Variants in LCN6 observed in about 807,000 individuals in gnomAD.
LCN6 encodes the protein lipocalin 6.
In LCN6, 20 loss-of-function variants were observed where a neutral mutation model predicts 21.4. The ratio of observed to expected loss-of-function variants is 0.93; its 90% CI spans 0.66 to 1.36. LCN6 has a LOEUF of 1.36. Among genes scored for constraint, LCN6 ranks in the 40% most tolerant of loss-of-function variants. LCN6 has a pLI of 0.00. For synonymous variants in LCN6, 96 were observed against 89.0 expected (o/e 1.08, Z -0.44); for missense variants, 217 against 206.6 (o/e 1.05, Z -0.31).
rs569165235 is a variant in LCN6 at position 136,747,334 on chromosome 9, G to A, written c.230+90C>T. The A allele has an allele frequency of 1.2e-4, 174 of 1,466,946 alleles. No individual in the cohort carries two copies. In the African/African-American group the frequency reaches 2.0e-3, roughly 17 times the overall value. The allele number at this position is 1,466,946 out of a possible 1,614,324, so 90.9% of individuals were successfully genotyped here. A position where few individuals can be genotyped will look rare whatever the true frequency, so the allele number is the denominator to read the frequency against. On this transcript the variant is annotated intron_variant, in intron 2 of 6. Coordinates refer to ENST00000341206, the MANE Select transcript of LCN6 (RefSeq NM_198946.3). ...AGGGGCCGTGGGAAGCCCCCAGGCC[G>A]CGGTGCCCGGGAGCAGATGTGCAAA... is the stretch of plus-strand genomic sequence containing the variant.
chr9:136,744,808 T>G lies in LCN6; in HGVS notation c.413-67A>C, dbSNP rs1404875802. On this transcript the variant is annotated intron_variant, in intron 4 of 6. Transcript: ENST00000341206. The surrounding 1 kb of genome is among the most constrained non-coding windows in gnomAD (Gnocchi z 4.2). ...AGCTGGGGAGGGGCCGGGGAGGGGC[T>G]GGGAAGGGTCAGGAAGGAGGCCACC... is the stretch of plus-strand genomic sequence containing the variant. 2.6e-6 allele frequency: 3 copies of G among 1,152,754 alleles called. No individual in the cohort carries two copies. In the East Asian group the frequency reaches 7.5e-5, roughly 29 times the overall value. The allele number at this position is 1,152,754 out of a possible 1,614,324, so 71.4% of individuals were successfully genotyped here.
At chr9:136,746,965 G>A (rs1847047113) in intron 2 of LCN6, 1 of 153,938 alleles carries the variant, frequency 6.5e-6, no homozygotes, top group Admixed American at 6.5e-5. Flanking sequence ...GCGCCTGCCT[G>A]AGGCCACAAG....
chr9:136,745,945 G>A, intron 2 of LCN6, 31 bp from the exon 3 acceptor site: 1 of 1,605,718 alleles, frequency 6.2e-7, no homozygotes, highest in Non-Finnish European at 8.5e-7. Flanking sequence ...CACCCACTCA[G>A]GGTCAAGACC....
In LCN6 at chr9:136,748,441, C is replaced by T; in HGVS notation, c.43G>A (p.Val15Met). ...LLAAFLALVSVPRAQAVWLGR... is the reference protein window; with the variant it reads ...LLAAFLALVSMPRAQAVWLGR... ...AACCACACGGCCTGGGCCCTGGGCA[C>T]CGAGACCAAAGCCAGAAAAGCAGCC... is the stretch of plus-strand genomic sequence containing the variant. Residue 15 changes from valine (V) to methionine (M), a missense_variant, in exon 1 of 7, where the codon GTG (valine) becomes ATG (methionine). Physicochemically the swap from Val to Met is conservative, Grantham distance 21 (BLOSUM62 1). Transcript: ENST00000341206. The T allele has an allele frequency of 6.2e-7, 1 of 1,613,248 alleles. No individual in the cohort carries two copies. Among genetic ancestry groups the T allele is most frequent in the Non-Finnish European group, 8.5e-7 (1 of 1,179,952 alleles).
chr9:136,744,536 G>A lies in LCN6; in HGVS notation c.*22+104C>T, dbSNP rs1445055197. ...GACTCCTTCAGGGCGACTGAGTCAG[G>A]CAGAAGCCAGAATCAACCCCAGGGT... On this transcript the variant is annotated intron_variant, in intron 5 of 6. Coordinates refer to ENST00000341206, the MANE Select transcript of LCN6 (RefSeq NM_198946.3). This position sits in a 1 kb window ranked among gnomAD's most constrained non-coding sequence, Gnocchi z 4.2. The A allele has an allele frequency of 1.8e-5, 13 of 717,368 alleles. No individual in the cohort carries two copies. The Admixed American group carries it at 1.9e-4, about 10-fold the overall frequency. 44.4% of individuals were successfully genotyped at this position (717,368 alleles called of 1,614,324 possible).
At chr9:136,747,313 G>T in intron 2 of LCN6, 111 bp downstream of exon 2, 2 of 1,243,528 alleles carry the variant, frequency 1.6e-6, no homozygotes, top group Non-Finnish European at 2.2e-6. Flanking sequence ...GTGCAGAGGG[G>T]CCGTGGGAAG....
chr9:136,744,551 A>G lies in LCN6; in HGVS notation c.*22+89T>C. ...ACTGAGTCAGGCAGAAGCCAGAATC[A>G]ACCCCAGGGTCTCTGTCACCCCATC... On this transcript the variant is annotated intron_variant, in intron 5 of 6. Transcript: ENST00000341206. This position sits in a 1 kb window ranked among gnomAD's most constrained non-coding sequence, Gnocchi z 4.2. 1 of 803,886 alleles carries G rather than the reference A, an allele frequency of 1.2e-6. No individual in the cohort carries two copies. Among genetic ancestry groups the G allele is most frequent in the South Asian group, 1.7e-5 (1 of 58,362 alleles). 49.8% of individuals were successfully genotyped at this position (803,886 alleles called of 1,614,324 possible). A position where few individuals can be genotyped will look rare whatever the true frequency, so the allele number is the denominator to read the frequency against.
In LCN6 at chr9:136,744,590, T is replaced by G; in HGVS notation, c.*22+50A>C. On this transcript the variant is annotated intron_variant, in intron 5 of 6. Coordinates refer to ENST00000341206, the MANE Select transcript of LCN6 (RefSeq NM_198946.3). The surrounding 1 kb of genome is among the most constrained non-coding windows in gnomAD (Gnocchi z 4.2). ...TGTCACCCCATCACGCCCTGTGGGC[T>G]CCAGAACTTGCCCCAAGCCTCCCCC... 8.2e-7 allele frequency: 1 copy of G among 1,215,876 alleles called. No homozygotes were observed. Among genetic ancestry groups the G allele is most frequent in the Non-Finnish European group, 1.2e-6 (1 of 839,078 alleles). The allele number at this position is 1,215,876 out of a possible 1,614,324, so 75.3% of individuals were successfully genotyped here. A position where few individuals can be genotyped will look rare whatever the true frequency, so the allele number is the denominator to read the frequency against.
chr9:136,745,501 C>G, intron 3 of LCN6: 2 of 587,536 alleles, frequency 3.4e-6, no homozygotes, highest in Non-Finnish European at 6.1e-6. Context: ...GACGGACAGA[C>G]AGACAAGCAC....
intron 1 of LCN6, among the ~76,000 whole-genome samples, chr9:136,747,800 C>T (rs937630540): frequency 3.5e-5 from 5 of 141,112 alleles, no homozygotes; most frequent in Admixed American, 2.1e-4. Context: ...CCAACCCTCC[C>T]GCCCTCCAGC....
intron 2 of LCN6, among the ~76,000 whole-genome samples, chr9:136,746,411 C>T (rs1286985448): frequency 7.4e-5 from 11 of 148,764 alleles, no homozygotes; most frequent in Non-Finnish European, 1.3e-4. Context: ...GGTTTGCCTG[C>T]GACTCGGGGG....
chr9:136,744,272 G>A lies in LCN6; in HGVS notation c.*48+67C>T, dbSNP rs1005496093. 20 of 191,806 alleles carry A rather than the reference G, an allele frequency of 1.0e-4. No individual in the cohort carries two copies. The highest frequency in any genetic ancestry group is 7.4e-4 in the Admixed American group (14 of 18,976). 11.9% of individuals were successfully genotyped at this position (191,806 alleles called of 1,614,324 possible). On this transcript the variant is annotated intron_variant, in intron 6 of 6. Transcript: ENST00000341206. This position sits in a 1 kb window ranked among gnomAD's most constrained non-coding sequence, Gnocchi z 4.2. ...CAGAGGGTCCTCCCACCCACTGTGC[G>A]TAGGGTGGCCTCCCCCACCCCCTTC... is the stretch of plus-strand genomic sequence containing the variant.
Position 136,748,523 on chromosome 9 carries a change from A to C in LCN6, c.-40T>G, listed in dbSNP as rs759068350. ...ACTGCGCCGCAGGCCCAGGATGTGC[A>C]GTCCCTCCAGGCCCTGGAGACCCGT... On this transcript the variant is annotated 5_prime_UTR_variant, in exon 1 of 7. Coordinates refer to ENST00000341206, the MANE Select transcript of LCN6 (RefSeq NM_198946.3). The C allele has an allele frequency of 1.9e-6, 3 of 1,588,006 alleles. No homozygotes were observed. The highest frequency in any genetic ancestry group is 2.6e-6 in the Non-Finnish European group (3 of 1,162,566).
chr9:136,744,592 C>T lies in LCN6; in HGVS notation c.*22+48G>A. 1.6e-6 allele frequency: 2 copies of T among 1,255,382 alleles called. No individual in the cohort carries two copies. The highest frequency in any genetic ancestry group is 1.1e-6 in the Non-Finnish European group (1 of 874,526). The allele number at this position is 1,255,382 out of a possible 1,614,324, so 77.8% of individuals were successfully genotyped here. ...TCACCCCATCACGCCCTGTGGGCTC[C>T]AGAACTTGCCCCAAGCCTCCCCCGA... On this transcript the variant is annotated intron_variant, in intron 5 of 6. Coordinates refer to ENST00000341206, the MANE Select transcript of LCN6 (RefSeq NM_198946.3). This position sits in a 1 kb window ranked among gnomAD's most constrained non-coding sequence, Gnocchi z 4.2.
At chr9:136,745,776 G>T (rs1359697346) in intron 3 of LCN6, 68 bp downstream of exon 3, 15 of 1,426,484 alleles carry the variant, frequency 1.1e-5, no homozygotes, top group Non-Finnish European at 1.4e-5. Flanking sequence ...CTCCGTCCCT[G>T]CCCGCAGGGG....
chr9:136,744,697 T>A lies in LCN6; in HGVS notation c.457A>T (p.Lys153Ter), dbSNP rs779695581. Reference protein sequence around the residue: ...ASQEAMGLFTKWSRSLGFLSQ With the variant: ...ASQEAMGLFT ...AGGAAGCCCAGGCTCCTGCTCCACT[T>A]GGTGAAGAGCCCCATGGCCTCCTGG... Residue 153 changes from lysine (K) to a stop codon, truncating the protein, a stop_gained, in exon 5 of 7, where the codon AAG (lysine) becomes TAG (stop). Transcript: ENST00000341206. LOFTEE classifies it high-confidence loss of function. This position sits in a 1 kb window ranked among gnomAD's most constrained non-coding sequence, Gnocchi z 4.2. 1.9e-6 allele frequency: 3 copies of A among 1,610,358 alleles called. No homozygotes were observed. The highest frequency in any genetic ancestry group is 2.5e-6 in the Non-Finnish European group (3 of 1,178,310).
intron 1 of LCN6, 146 bp from the exon 2 acceptor site, chr9:136,747,709 C>T: frequency 9.5e-7 from 1 of 1,055,434 alleles, no homozygotes; most frequent in Non-Finnish European, 1.3e-6. Context: ...CTCCAGCCTC[C>T]AACCCTCCAG....
In LCN6 at chr9:136,744,670, A is replaced by G. The variant is rs1002678168; in HGVS notation, c.484T>C (p.Ser162Pro). The G allele has an allele frequency of 6.2e-7, 1 of 1,607,948 alleles. No homozygotes were observed. Among genetic ancestry groups the G allele is most frequent in the South Asian group, 1.1e-5 (1 of 90,652 alleles). ...TKWSRSLGFLSQ is the reference protein window; with the variant it reads ...TKWSRSLGFLPQ The stretch of plus-strand genomic sequence containing the variant: ...TTCTGCAGCTGGGCCTGCTACTGTG[A>G]CAGGAAGCCCAGGCTCCTGCTCCAC... Residue 162 changes from serine (S) to proline (P), a missense_variant, in exon 5 of 7, where the codon TCA (serine) becomes CCA (proline). By Grantham distance (74) the Ser-to-Pro change is moderately conservative (BLOSUM62 -1). Coordinates refer to ENST00000341206, the MANE Select transcript of LCN6 (RefSeq NM_198946.3). This position sits in a 1 kb window ranked among gnomAD's most constrained non-coding sequence, Gnocchi z 4.2.
chr9:136,744,753 A>G lies in LCN6; in HGVS notation c.413-12T>C. The G allele has an allele frequency of 1.3e-6, 2 of 1,542,090 alleles. No individual in the cohort carries two copies. The highest frequency in any genetic ancestry group is 1.8e-6 in the Non-Finnish European group (2 of 1,126,178). On this transcript the variant is annotated splice_polypyrimidine_tract_variant and intron_variant, in intron 4 of 6. Transcript: ENST00000341206. The surrounding 1 kb of genome is among the most constrained non-coding windows in gnomAD (Gnocchi z 4.2). ...TGTCTCCGTCAGACCTGGGGGCACC[A>G]GGGCAGTGCAGGGGGAAGCAACCTC...
Sources: gnomAD v4.1 joint callset for allele counts (sites outside exome capture counted in the v4.1 genomes callset) on GRCh38, gnomAD v4.1.1 for gene constraint, Gnocchi (gnomAD v3.1) non-coding constraint, MANE v1.5 for transcripts, NCBI Gene and HGNC (gene_info 2026-07-23, HGNC 2026-07-21) for gene names.